The following SORCS1 variants were observed in gnomAD, a reference collection of about 807,000 sequenced individuals.
SORCS1 encodes the protein sortilin related VPS10 domain containing receptor 1, also known as VPS10 domain-containing receptor SorCS1.
In SORCS1, 60 loss-of-function variants were observed where a neutral mutation model predicts 146.1. The observed-to-expected ratio is 0.41, with a 90% confidence interval of 0.33 to 0.51. SORCS1 has a LOEUF of 0.51. Among genes scored for constraint, SORCS1 ranks in the 20% least tolerant of loss-of-function variants. The pLI is 0.21. For synonymous variants in SORCS1, 637 were observed against 584.0 expected, an observed-to-expected ratio of 1.09 and a Z score of -1.31; for missense variants, 1,352 against 1,487.6, an observed-to-expected ratio of 0.91 and a Z score of 1.50.
intron 18 of SORCS1, among the ~76,000 whole-genome samples, chr10:106,641,648 G>A (rs1034155564): frequency 6.6e-6 from 1 of 152,104 alleles, no homozygotes; most frequent in African/African-American, 2.4e-5. Context: ...CATTTATTGA[G>A]TTTCTATCAA....
chr10:106,890,125 T>C (rs1951173668), intron 2 of SORCS1, among the ~76,000 whole-genome samples: 1 of 152,110 alleles, frequency 6.6e-6, no homozygotes, highest in Non-Finnish European at 1.5e-5. Flanking sequence ...GTCTGCATTT[T>C]AAATAATCAC....
At chr10:106,906,396 G>A (rs1200000972) in intron 2 of SORCS1, among the ~76,000 whole-genome samples, 1 of 152,192 alleles carries the variant, frequency 6.6e-6, no homozygotes, top group Non-Finnish European at 1.5e-5. Flanking sequence ...TTACAGGTGT[G>A]AGCCACCGTG....
intron 23 of SORCS1, among the ~76,000 whole-genome samples, chr10:106,603,656 GA>G (rs1846388161): frequency 6.6e-6 from 1 of 152,174 alleles, no homozygotes; most frequent in Non-Finnish European, 1.5e-5. Context: ...GCCAAGGCGT[GA>G]AATGAGGGGA....
intron 3 of SORCS1, among the ~76,000 whole-genome samples, chr10:106,792,482 C>T (rs1052735710): frequency 1.3e-5 from 2 of 152,138 alleles, no homozygotes; most frequent in African/African-American, 4.8e-5. Context: ...TAGGATATTC[C>T]AACTGGAAAT....
intron 18 of SORCS1, among the ~76,000 whole-genome samples, chr10:106,647,751 C>T (rs946163216): frequency 6.6e-6 from 1 of 152,158 alleles, no homozygotes; most frequent in African/African-American, 2.4e-5. Flanking sequence ...ACTTTTTTCA[C>T]AATGTTGGTT....
chr10:107,020,837 ATATT>A (rs1958094657), intron 1 of SORCS1, among the ~76,000 whole-genome samples: 3 of 152,132 alleles, frequency 2.0e-5, no homozygotes, highest in Admixed American at 2.0e-4. Flanking sequence ...TCTAAGCAAA[ATATT>A]TTTTTTCTAC....
At chr10:107,091,120 T>A (rs1590114362) in intron 1 of SORCS1, among the ~76,000 whole-genome samples, 1 of 152,214 alleles carries the variant, frequency 6.6e-6, no homozygotes, top group Admixed American at 6.5e-5. Context: ...ACAAAAGTAG[T>A]TCATGCAGCA....
intron 8 of SORCS1, among the ~76,000 whole-genome samples, chr10:106,700,151 G>T (rs991630478): frequency 9.2e-5 from 14 of 152,332 alleles, no homozygotes; most frequent in African/African-American, 3.4e-4. Flanking sequence ...CATAACTGAT[G>T]ATGTTTTCAG....
intron 3 of SORCS1, among the ~76,000 whole-genome samples, chr10:106,818,236 G>C (rs1947838274): frequency 6.6e-6 from 1 of 152,060 alleles, no homozygotes; most frequent in Admixed American, 6.6e-5. Context: ...AATTTTAGTT[G>C]TATTAATTCA....
chr10:106,754,603 T>C (rs11193038), intron 5 of SORCS1, among the ~76,000 whole-genome samples: 31,109 of 152,082 alleles, frequency 0.2, 3,808 homozygotes, highest in East Asian at 0.47. Flanking sequence ...GCTCAACAAA[T>C]GGGACTTGTT....
At chr10:106,861,399 TAAAA>T (rs35890575) in intron 2 of SORCS1, among the ~76,000 whole-genome samples, 15 of 128,262 alleles carry the variant, frequency 1.2e-4, no homozygotes, top group Admixed American at 3.9e-4. Flanking sequence ...GACTCCGCCT[TAAAA>T]AAAAAAAAAA....
In SORCS1 at chr10:107,073,811, T is replaced by TA. The variant is rs201023073; in HGVS notation, c.558+90157dup. 9.2e-3 allele frequency among the ~76,000 whole-genome samples: 1,402 copies of TA among 152,212 alleles called. 19 individuals are homozygous for TA. Among genetic ancestry groups the TA allele is most frequent in the Non-Finnish European group, 0.01 (693 of 68,010 alleles). ...CATGTGGCACTATGGACACCAGTAC[T>TA]ATATGGTTGGGAAAGCAAAGAAGGT... On this transcript the variant is annotated intron_variant, in intron 1 of 25. Coordinates refer to ENST00000263054, the MANE Select transcript of SORCS1 (RefSeq NM_052918.5).
At chr10:107,030,097 A>T (rs1055185042) in intron 1 of SORCS1, among the ~76,000 whole-genome samples, 1 of 152,202 alleles carries the variant, frequency 6.6e-6, no homozygotes, top group Non-Finnish European at 1.5e-5. Flanking sequence ...TTGAAAAAAA[A>T]TTAAAGACAT....
chr10:107,094,603 C>T (rs1964422343), intron 1 of SORCS1, among the ~76,000 whole-genome samples: 1 of 151,972 alleles, frequency 6.6e-6, no homozygotes, highest in African/African-American at 2.4e-5. Flanking sequence ...GATTTAGAGC[C>T]CAAGACATTT....
intron 2 of SORCS1, among the ~76,000 whole-genome samples, chr10:106,889,478 T>G (rs1951136990): frequency 6.6e-6 from 1 of 151,988 alleles, no homozygotes; most frequent in Admixed American, 6.6e-5. Context: ...AAAAAGCACT[T>G]CCCGGCCAGG....
intron 5 of SORCS1, among the ~76,000 whole-genome samples, chr10:106,759,343 AATAAAGGAT>A (rs1858902626): frequency 6.6e-6 from 1 of 152,202 alleles, no homozygotes; most frequent in African/African-American, 2.4e-5. Context: ...AAATGACATG[AATAAAGGAT>A]ATTTAAACTC....
At chr10:106,839,535 T>C (rs1449403819) in intron 2 of SORCS1, among the ~76,000 whole-genome samples, 1 of 152,186 alleles carries the variant, frequency 6.6e-6, no homozygotes, top group Non-Finnish European at 1.5e-5. Context: ...AAGTGCAAAG[T>C]GAAGCAGCAA....
intron 8 of SORCS1, among the ~76,000 whole-genome samples, chr10:106,704,216 C>T (rs543281698): frequency 1.3e-5 from 2 of 152,180 alleles, no homozygotes; most frequent in South Asian, 4.2e-4. Context: ...CTTCTTAATG[C>T]CCCTGACAGT....
intron 21 of SORCS1, among the ~76,000 whole-genome samples, chr10:106,613,498 T>C (rs1006161066): frequency 1.3e-5 from 2 of 152,182 alleles, no homozygotes; most frequent in African/African-American, 2.4e-5. Flanking sequence ...CCTGCTATAC[T>C]CTGTCATTGG....
Sources: allele counts gnomAD v4.1 joint callset (sites outside exome capture counted in the v4.1 genomes callset), GRCh38; gene constraint gnomAD v4.1.1; transcripts MANE v1.5; gene names NCBI Gene and HGNC (gene_info 2026-07-23, HGNC 2026-07-21).